ABCA13: variants seen among roughly 807,000 people sequenced by gnomAD.
ABCA13 encodes the protein ATP-binding cassette sub-family A member 13.
Under a neutral mutation model 478.7 loss-of-function variants are expected in ABCA13, and 476 were observed. The ratio of observed to expected loss-of-function variants is 0.99; its 90% CI spans 0.92 to 1.07. The LOEUF (loss-of-function observed/expected upper bound fraction) is 1.07. Among genes scored for constraint, ABCA13 ranks in the 50% least tolerant of loss-of-function variants. The pLI is 0.00. For synonymous variants in ABCA13, 2,252 were observed against 2,158.9 expected, an observed-to-expected ratio of 1.04 and a Z score of -1.20; for missense variants, 6,060 against 5,910.6, an observed-to-expected ratio of 1.03 and a Z score of -0.83.
chr7:48,257,134 T>C (rs974627230), intron 15 of ABCA13, among the ~76,000 whole-genome samples: 1 of 152,084 alleles, frequency 6.6e-6, no homozygotes. Flanking sequence ...TGTACATTGA[T>C]TTTCTATTCT....
chr7:48,588,926 A>ATG (rs1789467173), intron 57 of ABCA13, among the ~76,000 whole-genome samples: 1 of 152,214 alleles, frequency 6.6e-6, no homozygotes, highest in Non-Finnish European at 1.5e-5. Flanking sequence ...TTGCATGATC[A>ATG]CACCTTTTAT....
intron 13 of ABCA13, among the ~76,000 whole-genome samples, 197 bp downstream of exon 13, chr7:48,246,227 C>T (rs1405128): frequency 0.014 from 2,178 of 152,224 alleles, 21 homozygotes; most frequent in Middle Eastern, 0.054. Context: ...TGTATGCCAC[C>T]CGCCTGGCCA....
At chr7:48,293,204 C>CCCAA (rs1554419805) in intron 20 of ABCA13, among the ~76,000 whole-genome samples, 2 of 131,444 alleles carry the variant, frequency 1.5e-5, no homozygotes, top group Non-Finnish European at 3.3e-5. Context: ...CCCCCCCCCG[C>CCCAA]CACACACACA....
intron 43 of ABCA13, among the ~76,000 whole-genome samples, chr7:48,456,188 T>C (rs1000223668): frequency 1.3e-5 from 2 of 152,254 alleles, no homozygotes; most frequent in Non-Finnish European, 2.9e-5. Flanking sequence ...TGAAGACAAC[T>C]AAGAGGACAG....
At chr7:48,540,396 A>C (rs1833872117) in intron 55 of ABCA13, among the ~76,000 whole-genome samples, 1 of 152,142 alleles carries the variant, frequency 6.6e-6, no homozygotes, top group Non-Finnish European at 1.5e-5. Flanking sequence ...ATGGTCTGCA[A>C]GTCCCTTATT....
intron 1 of ABCA13, among the ~76,000 whole-genome samples, chr7:48,178,082 T>C (rs1479179699): frequency 6.6e-6 from 1 of 152,186 alleles, no homozygotes; most frequent in Non-Finnish European, 1.5e-5. Flanking sequence ...GGTTGGTTGG[T>C]TTTTCCTAAT....
chr7:48,550,349 C>T (rs1785198672), intron 55 of ABCA13, among the ~76,000 whole-genome samples: 1 of 151,456 alleles, frequency 6.6e-6, no homozygotes, highest in Admixed American at 6.6e-5. Flanking sequence ...CTCTCCCCAA[C>T]CTGATTCAAA....
In ABCA13 at chr7:48,274,032, A is replaced by G; in HGVS notation, c.4366A>G (p.Ile1456Val). 1 of 1,606,146 alleles carries G rather than the reference A, an allele frequency of 6.2e-7. No homozygotes were observed. ...KPLCSSNGSH[I>V]NCVNIYLKDV... Reference sequence around the variant, plus strand: ...TCTTTGTTCATCAAATGGCTCACATATAAATTGTGTCAATATTTACTTGAA... The same window carrying G: ...TCTTTGTTCATCAAATGGCTCACATGTAAATTGTGTCAATATTTACTTGAA... Residue 1456 changes from isoleucine (I) to valine (V), a missense_variant, in exon 17 of 62, where the codon ATA (isoleucine) becomes GTA (valine). Physicochemically the swap from Ile to Val is conservative, Grantham distance 29. Coordinates refer to ENST00000435803, the MANE Select transcript of ABCA13 (RefSeq NM_152701.5).
At chr7:48,450,545 A>G (rs567948017) in intron 42 of ABCA13, among the ~76,000 whole-genome samples, 2 of 152,334 alleles carry the variant, frequency 1.3e-5, no homozygotes, top group South Asian at 4.1e-4. Context: ...ACTTTTCACT[A>G]AAAGCATATC....
At chr7:48,208,195 CT>C (rs1331341880) in intron 3 of ABCA13, among the ~76,000 whole-genome samples, 1 of 152,020 alleles carries the variant, frequency 6.6e-6, no homozygotes, top group Non-Finnish European at 1.5e-5. Context: ...GTTACTAAAG[CT>C]TTGTAGTATA....
At chr7:48,229,140 T>C (rs1183809444) in intron 6 of ABCA13, among the ~76,000 whole-genome samples, 1 of 152,186 alleles carries the variant, frequency 6.6e-6, no homozygotes, top group Admixed American at 6.5e-5. Flanking sequence ...ATGATTGTGT[T>C]GGTCTCATGT....
intron 27 of ABCA13, among the ~76,000 whole-genome samples, chr7:48,318,379 G>A (rs944368432): frequency 6.6e-6 from 1 of 151,902 alleles, no homozygotes; most frequent in Non-Finnish European, 1.5e-5. Context: ...GACAGACTCT[G>A]GCTCTGTCAC....
Position 48,287,958 on chromosome 7 carries a change from A to G in ABCA13, c.8837-2A>G. The G allele has an allele frequency of 2.5e-6, 4 of 1,612,954 alleles. No individual in the cohort carries two copies. Among genetic ancestry groups the G allele is most frequent in the South Asian group, 2.2e-5 (2 of 91,006 alleles). On this transcript the variant is annotated splice_acceptor_variant, in intron 19 of 61. Coordinates refer to ENST00000435803, the MANE Select transcript of ABCA13 (RefSeq NM_152701.5). LOFTEE classifies it high-confidence loss of function. ...TATTTCTCTGTGTGTTTCCTCTGGC[A>G]GAAAACCCTTCCTGGACCAAGGACA...
Position 48,193,067 on chromosome 7 carries a change from T to C in ABCA13, c.163+15T>C, listed in dbSNP as rs996870610. ...CAGAGACATTTGTAAGTTTCACTTT[T>C]TAATATACTTTTTGAATTAACCTTT... On this transcript the variant is annotated intron_variant, in intron 2 of 61. Coordinates refer to ENST00000435803, the MANE Select transcript of ABCA13 (RefSeq NM_152701.5). 12 of 1,503,418 alleles carry C rather than the reference T, an allele frequency of 8.0e-6. No individual in the cohort carries two copies. Among genetic ancestry groups the C allele is most frequent in the African/African-American group, 1.4e-5 (1 of 71,504 alleles). 93.1% of individuals were successfully genotyped at this position (1,503,418 alleles called of 1,614,324 possible).
At position 48,587,240 on chromosome 7, in the gene ABCA13, A is replaced by G. The variant is rs376555778; in HGVS notation, c.14592A>G (p.Lys4864=). The change falls in exon 57 of 62, where the codon AAA becomes AAG. Residue 4864 remains lysine, a synonymous_variant. Coordinates refer to ENST00000435803, the MANE Select transcript of ABCA13 (RefSeq NM_152701.5). ...CCTACAGTGGGGGAACCAAGCGGAA[A>G]CTCTCTACAGCCCTGGCCCTGGTGG... The part of the protein sequence containing the change: ...VATYSGGTKR[K]LSTALALVGK... 4.0e-4 allele frequency: 645 copies of G among 1,611,928 alleles called. No homozygotes were observed. Among genetic ancestry groups the G allele is most frequent in the Non-Finnish European group, 4.7e-4 (560 of 1,179,070 alleles).
chr7:48,538,250 G>A (rs1316477931), intron 55 of ABCA13, among the ~76,000 whole-genome samples: 2 of 151,652 alleles, frequency 1.3e-5, no homozygotes, highest in Non-Finnish European at 2.9e-5. Context: ...ACAGGCGCAT[G>A]CCACTGCACC....
chr7:48,368,709 A>ACATT (rs1812134924), intron 32 of ABCA13, among the ~76,000 whole-genome samples: 1 of 133,036 alleles, frequency 7.5e-6, no homozygotes, highest in Non-Finnish European at 1.7e-5. Context: ...ATATATATAT[A>ACATT]TATATACACA....
At chr7:48,248,103 A>G (rs1338259796) in intron 13 of ABCA13, 136 bp from the exon 14 acceptor site, 7 of 668,824 alleles carry the variant, frequency 1.0e-5, no homozygotes, top group Non-Finnish European at 1.7e-5. Flanking sequence ...GATAATTACC[A>G]TGCCATAGGG....
At chr7:48,535,795 C>T (rs189775841) in intron 55 of ABCA13, among the ~76,000 whole-genome samples, 11 of 152,100 alleles carry the variant, frequency 7.2e-5, no homozygotes, top group East Asian at 1.9e-4. Context: ...TGGGGTAAGT[C>T]GGCAGTCACA....
Sources: allele counts gnomAD v4.1 joint callset (sites outside exome capture counted in the v4.1 genomes callset), GRCh38; gene constraint gnomAD v4.1.1; transcripts MANE v1.5; gene names NCBI Gene and HGNC (gene_info 2026-07-23, HGNC 2026-07-21).